Variants in NCOA2 observed in about 807,000 individuals in gnomAD.
The protein encoded by NCOA2 is class E basic helix-loop-helix protein 75.
In NCOA2, 21 loss-of-function variants were observed where a neutral mutation model predicts 145.1. That is an observed-to-expected ratio of 0.14 (90% confidence interval 0.10 to 0.21). NCOA2 has a LOEUF of 0.21. NCOA2 is among the 10% of genes least tolerant of loss of function. The pLI, the probability that NCOA2 is intolerant of heterozygous loss-of-function variation, is 1.00. For synonymous variants in NCOA2, 619 were observed against 637.5 expected (o/e 0.97, Z 0.44); for missense variants, 1,472 against 1,837.6 (o/e 0.80, Z 3.64).
At chr8:70,266,449 T>C (rs114764032) in intron 2 of NCOA2, among the ~76,000 whole-genome samples, 5 of 152,348 alleles carry the variant, frequency 3.3e-5, no homozygotes, top group Admixed American at 6.5e-5. Flanking sequence ...TAATCTAGCA[T>C]GTAAAGGTCT....
At chr8:70,257,621 C>T (rs545320486) in intron 2 of NCOA2, among the ~76,000 whole-genome samples, 26 of 152,248 alleles carry the variant, frequency 1.7e-4, no homozygotes, top group African/African-American at 5.3e-4. Context: ...AGGCAGCACG[C>T]CTCACATCGC....
intron 2 of NCOA2, among the ~76,000 whole-genome samples, chr8:70,266,330 A>G (rs1824588422): frequency 6.6e-6 from 1 of 152,156 alleles, no homozygotes; most frequent in African/African-American, 2.4e-5. Context: ...GCCCAGCTTC[A>G]AGGGCAAATC....
chr8:70,324,982 T>C lies in NCOA2; in HGVS notation c.-76-28182A>G, dbSNP rs116140236. On this transcript the variant is annotated intron_variant, in intron 1 of 22. Coordinates refer to ENST00000452400, the MANE Select transcript of NCOA2 (RefSeq NM_006540.4). ...CCCCATGAAGTAACTTCTCTTAGTA[T>C]TTTAGCTAATATTTTTTAATTTATT... Among the ~76,000 whole-genome samples, 326 of 152,334 alleles carry C rather than the reference T, an allele frequency of 2.1e-3. 1 individual carries two copies. Among genetic ancestry groups the C allele is most frequent in the African/African-American group, 6.9e-3 (285 of 41,578 alleles).
At position 70,233,742 on chromosome 8, in the gene NCOA2, A is replaced by G. The variant is rs140427387; in HGVS notation, c.-19-16978T>C. Among the ~76,000 whole-genome samples, 615 of 152,196 alleles carry G rather than the reference A, an allele frequency of 4.0e-3. 4 individuals are homozygous for G. Among genetic ancestry groups the G allele is most frequent in the African/African-American group, 0.014 (581 of 41,518 alleles). ...AACAATCTATAGGTCCTCCTCTTACATAATTATTCTTTTTCAATCTCTTTT... is the reference window on the plus strand; with the variant it reads ...AACAATCTATAGGTCCTCCTCTTACGTAATTATTCTTTTTCAATCTCTTTT... On this transcript the variant is annotated intron_variant, in intron 2 of 22. Coordinates refer to ENST00000452400, the MANE Select transcript of NCOA2 (RefSeq NM_006540.4).
chr8:70,286,751 C>T (rs1420612641), intron 2 of NCOA2, among the ~76,000 whole-genome samples: 2 of 151,988 alleles, frequency 1.3e-5, no homozygotes, highest in African/African-American at 4.8e-5. Flanking sequence ...CATAAGCAAC[C>T]AAAAACCCTG....
At chr8:70,191,364 A>G (rs1248432009) in intron 4 of NCOA2, among the ~76,000 whole-genome samples, 1 of 152,214 alleles carries the variant, frequency 6.6e-6, no homozygotes, top group African/African-American at 2.4e-5. Flanking sequence ...GGTAATGTAC[A>G]ATCACTTCAG....
intron 3 of NCOA2, among the ~76,000 whole-genome samples, chr8:70,215,592 G>A (rs1819531947): frequency 6.6e-6 from 1 of 152,084 alleles, no homozygotes; most frequent in Non-Finnish European, 1.5e-5. Context: ...CTCCTGCTCT[G>A]CCTCTCTTGA....
intron 1 of NCOA2, among the ~76,000 whole-genome samples, chr8:70,387,579 C>T (rs1308375297): frequency 6.6e-6 from 1 of 152,122 alleles, no homozygotes; most frequent in Non-Finnish European, 1.5e-5. Context: ...AATCTCTTAT[C>T]CCACATGCTC....
the NCOA2 span, among the ~76,000 whole-genome samples, chr8:70,431,669 A>AT: frequency 6.6e-6 from 1 of 152,226 alleles, no homozygotes; most frequent in Admixed American, 6.5e-5. Context: ...ATGCATTTCA[A>AT]ACCTTGAATA....
chr8:70,450,886 A>G, the NCOA2 span, among the ~76,000 whole-genome samples: 6 of 150,666 alleles, frequency 4.0e-5, no homozygotes, highest in Non-Finnish European at 5.9e-5. Flanking sequence ...CCTTTTCAAA[A>G]CAAGAATTCT....
At chr8:70,428,376 C>T in the NCOA2 span, among the ~76,000 whole-genome samples, 3 of 152,128 alleles carry the variant, frequency 2.0e-5, no homozygotes, top group East Asian at 5.8e-4. Flanking sequence ...GGGAGGATCC[C>T]TTGAGCCTGG....
At chr8:70,321,698 A>AT (rs1038428439) in intron 1 of NCOA2, among the ~76,000 whole-genome samples, 2 of 150,374 alleles carry the variant, frequency 1.3e-5, no homozygotes, top group Non-Finnish European at 2.9e-5. Flanking sequence ...AATTTCTAAT[A>AT]TATCAGAAAT....
At chr8:70,201,408 T>G (rs983844994) in intron 4 of NCOA2, among the ~76,000 whole-genome samples, 2 of 152,276 alleles carry the variant, frequency 1.3e-5, no homozygotes, top group East Asian at 1.9e-4. Context: ...TTAGCAGACT[T>G]TGCACTCATG....
intron 2 of NCOA2, among the ~76,000 whole-genome samples, chr8:70,217,486 T>C (rs534487424): frequency 4.6e-5 from 7 of 152,214 alleles, no homozygotes; most frequent in African/African-American, 1.7e-4. Context: ...CTCCAAACTT[T>C]CCTTCCCTCA....
At chr8:70,450,897 C>G in the NCOA2 span, among the ~76,000 whole-genome samples, 2 of 149,942 alleles carry the variant, frequency 1.3e-5, no homozygotes, top group African/African-American at 4.9e-5. Context: ...CAAGAATTCT[C>G]TTAGTTTCAG....
At chr8:70,380,300 T>C (rs767607138) in intron 1 of NCOA2, among the ~76,000 whole-genome samples, 4 of 152,180 alleles carry the variant, frequency 2.6e-5, no homozygotes, top group Non-Finnish European at 5.9e-5. Context: ...GAGATCCTAC[T>C]AGGTTTCAGA....
In NCOA2 at chr8:70,113,489, G is replaced by A; in HGVS notation, c.*143C>T. The A allele has an allele frequency of 1.1e-6, 1 of 901,382 alleles. No individual in the cohort carries two copies. The highest frequency in any genetic ancestry group is 1.7e-6 in the Non-Finnish European group (1 of 583,338). 55.8% of individuals were successfully genotyped at this position (901,382 alleles called of 1,614,324 possible). A position where few individuals can be genotyped will look rare whatever the true frequency, so the allele number is the denominator to read the frequency against. ...CCACAGCCGAGTGGACGCCACCCTG[G>A]GAACCAGGGCCAGGCCTGTCTGCTC... is the stretch of plus-strand genomic sequence containing the variant. On this transcript the variant is annotated 3_prime_UTR_variant, in exon 23 of 23. Transcript: ENST00000452400.
rs1288474579 is a variant in NCOA2, at chr8:70,149,239, G to GCT, written c.2395-757_2395-756insAG. On this transcript the variant is annotated intron_variant, in intron 11 of 22. Transcript: ENST00000452400. ...CAGAAGCTATAAAAATGTTTTTTTT[G>GCT]TTTTTTTTTTTCTGAGAAAGGGTCT... is the stretch of plus-strand genomic sequence containing the variant. 8.6e-4 allele frequency among the ~76,000 whole-genome samples: 124 copies of GCT among 144,900 alleles called. 1 individual carries two copies. Among genetic ancestry groups the GCT allele is most frequent in the African/African-American group, 3.0e-3 (120 of 39,628 alleles).
chr8:70,435,424 C>CAAAAAAAAAAAA, the NCOA2 span, among the ~76,000 whole-genome samples: 37 of 20,154 alleles, frequency 1.8e-3, 2 homozygotes, highest in South Asian at 6.3e-3. Context: ...GACTCCGTCT[C>CAAAAAAAAAAAA]AAAAAAAAAA....
Sources: allele counts gnomAD v4.1 joint callset (sites outside exome capture counted in the v4.1 genomes callset), GRCh38; gene constraint gnomAD v4.1.1; transcripts MANE v1.5; gene names NCBI Gene and HGNC (gene_info 2026-07-23, HGNC 2026-07-21).